KALRN: variants seen among roughly 807,000 people sequenced by gnomAD.
KALRN encodes the protein kalirin RhoGEF kinase, also known as kalirin.
Under a neutral mutation model 353.7 loss-of-function variants are expected in KALRN, and 70 were observed. The observed-to-expected ratio is 0.20, with a 90% CI of 0.16 to 0.24. The LOEUF (loss-of-function observed/expected upper bound fraction) is 0.24, where lower values mean the gene tolerates loss of function less well. Among genes scored for constraint, KALRN ranks in the 10% least tolerant of loss-of-function variants. The pLI, the probability that KALRN is intolerant of heterozygous loss-of-function variation, is 1.00. For synonymous variants in KALRN, 1,391 were observed against 1,434.8 expected, an observed-to-expected ratio of 0.97 and a Z score of 0.69; for missense variants, 2,791 against 3,756.7, an observed-to-expected ratio of 0.74 and a Z score of 6.72.
intron 1 of KALRN, among the ~76,000 whole-genome samples, chr3:124,171,546 T>C (rs1250044509): frequency 1.3e-5 from 2 of 151,998 alleles, no homozygotes; most frequent in Non-Finnish European, 2.9e-5. Flanking sequence ...TCTCTTCTGC[T>C]CTACTGGATT....
intron 1 of KALRN, among the ~76,000 whole-genome samples, chr3:124,158,729 G>A (rs2069415498): frequency 6.6e-6 from 1 of 152,188 alleles, no homozygotes; most frequent in Non-Finnish European, 1.5e-5. Context: ...TGATTGCAGA[G>A]TCTGACGGAA....
intron 34 of KALRN, among the ~76,000 whole-genome samples, chr3:124,601,554 C>T (rs1374973322): frequency 1.3e-5 from 2 of 152,130 alleles, no homozygotes; most frequent in East Asian, 3.9e-4. Context: ...TGGTCTCCTC[C>T]CAGTGTGTTG....
chr3:124,618,364 C>T (rs903002734), intron 34 of KALRN, among the ~76,000 whole-genome samples: 12 of 151,920 alleles, frequency 7.9e-5, no homozygotes, highest in African/African-American at 2.4e-4. Flanking sequence ...ATCCGCCCAC[C>T]TCGGCCTCTC....
intron 1 of KALRN, among the ~76,000 whole-genome samples, chr3:124,034,978 G>A (rs916942012): frequency 1.3e-5 from 2 of 152,068 alleles, no homozygotes; most frequent in Non-Finnish European, 2.9e-5. Context: ...TCTAGGGAAG[G>A]GGGTGGGGTG....
chr3:124,692,080 G>C (rs1371014283), intron 51 of KALRN, among the ~76,000 whole-genome samples: 1 of 152,178 alleles, frequency 6.6e-6, no homozygotes, highest in Non-Finnish European at 1.5e-5. Context: ...ATTCGCTTTA[G>C]AGAGTTAAAA....
intron 3 of KALRN, among the ~76,000 whole-genome samples, chr3:124,257,113 T>C (rs1272921231): frequency 1.3e-5 from 2 of 152,236 alleles, no homozygotes; most frequent in African/African-American, 4.8e-5. Context: ...GGCTTCTGTA[T>C]GGTGTAGTTG....
chr3:124,221,253 C>T (rs924194663), intron 1 of KALRN, among the ~76,000 whole-genome samples: 1 of 152,228 alleles, frequency 6.6e-6, no homozygotes, highest in African/African-American at 2.4e-5. Context: ...TCCCTTGCCT[C>T]TTCTGTTATT....
chr3:124,195,311 C>T (rs2075319717), intron 1 of KALRN, among the ~76,000 whole-genome samples: 1 of 152,176 alleles, frequency 6.6e-6, no homozygotes, highest in African/African-American at 2.4e-5. Flanking sequence ...TGAGACCTAC[C>T]TCTTGGGATG....
rs139875513 is a variant in KALRN, at chr3:124,379,977, C to T, written c.1771-4868C>T. On this transcript the variant is annotated intron_variant, in intron 10 of 59. Coordinates refer to ENST00000682506, the MANE Select transcript of KALRN (RefSeq NM_001388419.1). ...ACGTATTGGTTTCAGCCATGCTGGC[C>T]TGAAAAAAATAACCACTGTGAGGGG... 3.0e-4 allele frequency among the ~76,000 whole-genome samples: 46 copies of T among 152,110 alleles called. No homozygotes were observed. The East Asian group carries it at 8.1e-3, about 27-fold the overall frequency.
chr3:124,649,790 A>AATACATAG (rs148515139), intron 37 of KALRN, among the ~76,000 whole-genome samples: 1 of 132,800 alleles, frequency 7.5e-6, no homozygotes, highest in Non-Finnish European at 1.6e-5. Flanking sequence ...CCTGTCTCAA[A>AATACATAG]ATAGATAGAT....
At chr3:124,097,782 T>C (rs1413759418) in intron 1 of KALRN, among the ~76,000 whole-genome samples, 2 of 152,260 alleles carry the variant, frequency 1.3e-5, no homozygotes, top group African/African-American at 4.8e-5. Flanking sequence ...CTTAACTATA[T>C]GCAAGAATTT....
chr3:124,455,969 A>G (rs977170181), intron 22 of KALRN, among the ~76,000 whole-genome samples: 2 of 152,226 alleles, frequency 1.3e-5, no homozygotes, highest in Non-Finnish European at 2.9e-5. Context: ...TCTGAAGCAG[A>G]GCAGCCTGGA....
chr3:124,108,820 C>G (rs1035117323), intron 1 of KALRN, among the ~76,000 whole-genome samples: 11 of 152,114 alleles, frequency 7.2e-5, no homozygotes, highest in African/African-American at 2.7e-4. Flanking sequence ...CCTGCCTTGG[C>G]TGATAATATA....
intron 1 of KALRN, among the ~76,000 whole-genome samples, chr3:124,114,109 G>A (rs561850619): frequency 9.8e-5 from 15 of 152,348 alleles, no homozygotes; most frequent in Admixed American, 9.8e-4. Flanking sequence ...CTGGATGAGG[G>A]ACCAGGCTTG....
At chr3:124,131,283 T>C (rs1426808508) in intron 1 of KALRN, among the ~76,000 whole-genome samples, 1 of 152,208 alleles carries the variant, frequency 6.6e-6, no homozygotes, top group Non-Finnish European at 1.5e-5. Flanking sequence ...TGGAAAGAAC[T>C]GGAGTCTGTG....
chr3:124,160,398 G>A (rs2069730681), intron 1 of KALRN, among the ~76,000 whole-genome samples: 1 of 152,048 alleles, frequency 6.6e-6, no homozygotes, highest in African/African-American at 2.4e-5. Flanking sequence ...AGAATGATCA[G>A]GAATAAAAGA....
At chr3:124,599,153 C>A (rs763252997) in intron 34 of KALRN, among the ~76,000 whole-genome samples, 1 of 152,172 alleles carries the variant, frequency 6.6e-6, no homozygotes, top group African/African-American at 2.4e-5. Context: ...TATTTGTGTT[C>A]TCTACCAAGT....
chr3:124,216,589 CTT>C (rs1579509788), intron 1 of KALRN, among the ~76,000 whole-genome samples: 1 of 152,192 alleles, frequency 6.6e-6, no homozygotes, highest in East Asian at 1.9e-4. Flanking sequence ...AAAAGTATAA[CTT>C]AGTCTGTCCT....
intron 45 of KALRN, among the ~76,000 whole-genome samples, chr3:124,663,930 A>G (rs1462082375): frequency 6.6e-6 from 1 of 151,990 alleles, no homozygotes; most frequent in Non-Finnish European, 1.5e-5. Context: ...AGCCCATCCC[A>G]TGTGTCCCTG....
Sources: allele counts gnomAD v4.1 joint callset (sites outside exome capture counted in the v4.1 genomes callset), GRCh38; gene constraint gnomAD v4.1.1; transcripts MANE v1.5; gene names NCBI Gene and HGNC (gene_info 2026-07-23, HGNC 2026-07-21).